The following HPRT1 variants were observed in gnomAD, a reference collection of about 807,000 sequenced individuals.
HPRT1 encodes hypoxanthine phosphoribosyltransferase 1, also known as hypoxanthine-guanine phosphoribosyltransferase.
Under a neutral mutation model 19.0 loss-of-function variants are expected in HPRT1, and 4 were observed. The observed-to-expected ratio is 0.21, with a 90% CI of 0.10 to 0.48. HPRT1 has a LOEUF of 0.48. HPRT1 is among the 20% of genes least tolerant of loss of function. HPRT1 has a pLI of 0.98. For missense variants in HPRT1, 65 were observed against 164.0 expected, an observed-to-expected ratio of 0.40 and a Z score of 3.30; for synonymous variants, 53 against 54.9, an observed-to-expected ratio of 0.97 and a Z score of 0.15.
At chrX:134,497,253 C>G (rs983669092) in intron 6 of HPRT1, among the ~76,000 whole-genome samples, 1 of 109,530 alleles carries the variant, frequency 9.1e-6, no homozygotes, top group Non-Finnish European at 1.9e-5. Context: ...CGCTAGAGCC[C>G]AAGAAGTCAA....
At chrX:134,461,181 G>A (rs1424552417) in intron 1 of HPRT1, among the ~76,000 whole-genome samples, 7 of 111,066 alleles carry the variant, frequency 6.3e-5, no homozygotes, top group Admixed American at 2.9e-4. Flanking sequence ...TCAAAACCCC[G>A]GCCAGTTAAA....
At chrX:134,492,490 C>T (rs763602876) in intron 5 of HPRT1, 34 of 328,136 alleles carry the variant, frequency 1.0e-4, no homozygotes, top group South Asian at 1.8e-4. Context: ...GACTCATGAT[C>T]CTCTTCAAAG....
At chrX:134,466,429 A>G (rs2077597139) in intron 1 of HPRT1, among the ~76,000 whole-genome samples, 2 of 108,328 alleles carry the variant, frequency 1.8e-5, no homozygotes, top group Non-Finnish European at 3.8e-5. Context: ...AAAAAGAAAA[A>G]AAAAAAAAAA....
intron 3 of HPRT1, among the ~76,000 whole-genome samples, chrX:134,481,783 C>T (rs1364684418): frequency 1.8e-5 from 2 of 111,424 alleles, no homozygotes; most frequent in African/African-American, 6.5e-5. Flanking sequence ...ATTCTTAGAA[C>T]ATGAAGGTGT....
At position 134,470,929 on chromosome X, in the gene HPRT1, T is replaced by C. The variant is rs968154514; in HGVS notation, c.28-2430T>C. 2.8e-5 allele frequency among the ~76,000 whole-genome samples: 3 copies of C among 108,079 alleles called. No homozygotes were observed. The Admixed American group carries it at 3.0e-4, about 11-fold the overall frequency. The allele number at this position is 108,079 out of a possible 115,157, so 93.9% of individuals were successfully genotyped here. A position where few individuals can be genotyped will look rare whatever the true frequency, so the allele number is the denominator to read the frequency against. On this transcript the variant is annotated intron_variant, in intron 1 of 8. Coordinates refer to ENST00000298556, the MANE Select transcript of HPRT1 (RefSeq NM_000194.3). ...AAAAAAAAAAAGAGAGAGAAAAAAA[T>C]TTTTTTTATTTAAAAAAAGTGTAGA...
At chrX:134,472,084 C>T (rs765911572) in intron 1 of HPRT1, among the ~76,000 whole-genome samples, 27 of 111,192 alleles carry the variant, frequency 2.4e-4, no homozygotes, top group Non-Finnish European at 5.1e-4. Flanking sequence ...ATTCCTTCTG[C>T]CTCCGCCTCC....
Position 134,500,376 on chromosome X carries a change from G to A in HPRT1, c.*299G>A, listed in dbSNP as rs71653611. On this transcript the variant is annotated 3_prime_UTR_variant, in exon 9 of 9. Coordinates refer to ENST00000298556, the MANE Select transcript of HPRT1 (RefSeq NM_000194.3). ...TGAAACATTGAACTCATATCTGTAA[G>A]AAATAAAGAGAAGATATATTAGTTT... The A allele has an allele frequency of 8.4e-5, 19 of 224,995 alleles. No homozygotes were observed. Among genetic ancestry groups the A allele is most frequent in the Non-Finnish European group, 1.4e-4 (18 of 126,032 alleles). 18.5% of individuals were successfully genotyped at this position (224,995 alleles called of 1,213,427 possible).
chrX:134,472,759 G>A (rs892694691), intron 1 of HPRT1, among the ~76,000 whole-genome samples: 5 of 109,949 alleles, frequency 4.5e-5, no homozygotes, highest in Admixed American at 9.7e-5. Context: ...TAGAGACGGC[G>A]GGGGGAGGTT....
intron 1 of HPRT1, among the ~76,000 whole-genome samples, chrX:134,467,783 C>T (rs191154221): frequency 6.4e-5 from 7 of 108,963 alleles, no homozygotes; most frequent in Admixed American, 2.0e-4. Flanking sequence ...TCTTCAACTA[C>T]CATAACACTT....
intron 1 of HPRT1, among the ~76,000 whole-genome samples, chrX:134,473,109 C>T (rs747801014): frequency 9.1e-6 from 1 of 109,553 alleles, no homozygotes; most frequent in South Asian, 3.9e-4. Flanking sequence ...AGGCTGGTCT[C>T]GAACTCCTGA....
intron 6 of HPRT1, among the ~76,000 whole-genome samples, 200 bp from the exon 7 acceptor site, chrX:134,498,190 G>C (rs1206582792): frequency 8.9e-6 from 1 of 111,926 alleles, no homozygotes; most frequent in Admixed American, 9.5e-5. Context: ...CTTGTCTGTA[G>C]TGTCAACTCA....
At chrX:134,495,832 G>A (rs756916494) in intron 6 of HPRT1, among the ~76,000 whole-genome samples, 4 of 112,243 alleles carry the variant, frequency 3.6e-5, no homozygotes, top group African/African-American at 1.3e-4. Context: ...GTACAGATTT[G>A]TGTATTATGG....
Position 134,492,399 on chromosome X carries a change from A to C in HPRT1, c.403-1109A>C, listed in dbSNP as rs186139764. On this transcript the variant is annotated intron_variant, in intron 5 of 8. Coordinates refer to ENST00000298556, the MANE Select transcript of HPRT1 (RefSeq NM_000194.3). ...ATTATCCTTAAAGTTGATATATATC[A>C]TTCCCATGCATGTTTTTTATACTTC... The C allele has an allele frequency of 7.5e-5, 20 of 266,291 alleles. No homozygotes were observed. The East Asian group carries it at 2.4e-3, about 31-fold the overall frequency. The allele number at this position is 266,291 out of a possible 1,213,427, so 21.9% of individuals were successfully genotyped here.
Position 134,500,182 on chromosome X carries a change from T to C in HPRT1, c.*105T>C, listed in dbSNP as rs2077691939. 1 of 582,023 alleles carries C rather than the reference T, an allele frequency of 1.7e-6. No homozygotes were observed. Among genetic ancestry groups the C allele is most frequent in the Admixed American group, 2.4e-5 (1 of 41,025 alleles). The allele number at this position is 582,023 out of a possible 1,213,427, so 48.0% of individuals were successfully genotyped here. A position where few individuals can be genotyped will look rare whatever the true frequency, so the allele number is the denominator to read the frequency against. On this transcript the variant is annotated 3_prime_UTR_variant, in exon 9 of 9. Coordinates refer to ENST00000298556, the MANE Select transcript of HPRT1 (RefSeq NM_000194.3). ...TGGCCATCTGCTTAGTAGAGCTTTT[T>C]GCATGTATCTTCTAAGAATTTTATC...
At chrX:134,481,506 T>TCTAC (rs1242213877) in intron 3 of HPRT1, among the ~76,000 whole-genome samples, 3 of 16,297 alleles carry the variant, frequency 1.8e-4, no homozygotes, top group African/African-American at 8.1e-4. Context: ...TCTGTCTATC[T>TCTAC]CTATCTATCT....
chrX:134,472,211 C>T (rs1228989187), intron 1 of HPRT1, among the ~76,000 whole-genome samples: 3 of 110,628 alleles, frequency 2.7e-5, no homozygotes, highest in Non-Finnish European at 5.7e-5. Flanking sequence ...TGGCCTCAAG[C>T]AACTCTCCTG....
At chrX:134,467,868 T>G (rs1259492987) in intron 1 of HPRT1, among the ~76,000 whole-genome samples, 4 of 104,644 alleles carry the variant, frequency 3.8e-5, no homozygotes, top group African/African-American at 1.4e-4. Flanking sequence ...TGTAGTGGTA[T>G]GATCTCGGCT....
chrX:134,483,270 A>G (rs1419872344), intron 3 of HPRT1, among the ~76,000 whole-genome samples: 1 of 111,290 alleles, frequency 9.0e-6, no homozygotes, highest in Non-Finnish European at 1.9e-5. Flanking sequence ...GCATTTCTAT[A>G]CAGCTTTCCT....
Position 134,500,291 on chromosome X carries a change from G to A in HPRT1, c.*214G>A. ...AGCCTATAGACTATCAGTTCCCTTTGGGCGGATTGTTGTTTAACTTGTAAA... is the reference window on the plus strand; with the variant it reads ...AGCCTATAGACTATCAGTTCCCTTTAGGCGGATTGTTGTTTAACTTGTAAA... On this transcript the variant is annotated 3_prime_UTR_variant, in exon 9 of 9. Transcript: ENST00000298556. 2.6e-6 allele frequency: 1 copy of A among 383,167 alleles called. No homozygotes were observed. Among genetic ancestry groups the A allele is most frequent in the Non-Finnish European group, 4.5e-6 (1 of 221,713 alleles). 31.6% of individuals were successfully genotyped at this position (383,167 alleles called of 1,213,427 possible).
Sources: allele counts gnomAD v4.1 joint callset (sites outside exome capture counted in the v4.1 genomes callset), GRCh38; gene constraint gnomAD v4.1.1; transcripts MANE v1.5; gene names NCBI Gene and HGNC (gene_info 2026-07-23, HGNC 2026-07-21).